FHIT: variants seen among roughly 807,000 people sequenced by gnomAD.
FHIT encodes fragile histidine triad diadenosine triphosphatase, also known as bis(5'-adenosyl)-triphosphatase.
A neutral mutation model predicts 17.9 loss-of-function variants in FHIT; 19 were observed. The observed-to-expected ratio is 1.06, with a 90% confidence interval of 0.74 to 1.56. FHIT has a LOEUF of 1.56. FHIT is among the 40% of genes most tolerant of loss of function. The probability of loss-of-function intolerance (pLI) is 0.00; values close to 1 mark genes in which losing one functional copy is unlikely to be tolerated. For synonymous variants in FHIT, 81 were observed against 69.7 expected (o/e 1.16, Z -0.81); for missense variants, 248 against 189.2 (o/e 1.31, Z -1.82).
At chr3:60,862,604 C>T (rs1377158788) in intron 3 of FHIT, among the ~76,000 whole-genome samples, 8 of 151,978 alleles carry the variant, frequency 5.3e-5, no homozygotes, top group African/African-American at 1.2e-4. Context: ...AATACCAGCA[C>T]TTTGGGAGGC....
At chr3:60,940,415 T>C (rs908167108) in intron 3 of FHIT, among the ~76,000 whole-genome samples, 1 of 152,194 alleles carries the variant, frequency 6.6e-6, no homozygotes, top group Non-Finnish European at 1.5e-5. Context: ...GATATGAGCT[T>C]CTGTACCCCA....
intron 7 of FHIT, among the ~76,000 whole-genome samples, chr3:60,006,780 TA>T (rs1037164063): frequency 6.6e-6 from 1 of 152,146 alleles, no homozygotes; most frequent in Non-Finnish European, 1.5e-5. Context: ...TGTTAACTAC[TA>T]GACTTAATTA....
At chr3:60,239,106 G>T (rs1267699519) in intron 5 of FHIT, among the ~76,000 whole-genome samples, 1 of 152,128 alleles carries the variant, frequency 6.6e-6, no homozygotes, top group African/African-American at 2.4e-5. Context: ...AAATTAACTT[G>T]AGAGATATTT....
intron 4 of FHIT, among the ~76,000 whole-genome samples, chr3:60,792,739 G>A (rs1391069653): frequency 6.6e-6 from 1 of 152,122 alleles, no homozygotes; most frequent in African/African-American, 2.4e-5. Flanking sequence ...GCCAGCTACT[G>A]AGGAATCACA....
intron 5 of FHIT, among the ~76,000 whole-genome samples, chr3:60,071,779 T>C (rs1559604948): frequency 2.0e-5 from 3 of 152,254 alleles, no homozygotes; most frequent in African/African-American, 4.8e-5. Context: ...CCGTATGTTA[T>C]GAGATGGACC....
chr3:60,033,890 A>C (rs80270897), intron 5 of FHIT, among the ~76,000 whole-genome samples: 1 of 152,232 alleles, frequency 6.6e-6, no homozygotes, highest in Non-Finnish European at 1.5e-5. Flanking sequence ...TTATGTTCTC[A>C]AAAGTCAAAA....
chr3:60,658,020 C>A (rs1553690114), intron 4 of FHIT, among the ~76,000 whole-genome samples: 1 of 152,040 alleles, frequency 6.6e-6, no homozygotes, highest in Non-Finnish European at 1.5e-5. Context: ...ATTGTTACAA[C>A]CATCACCACC....
At chr3:60,511,127 T>C (rs1394220461) in intron 5 of FHIT, among the ~76,000 whole-genome samples, 1 of 152,212 alleles carries the variant, frequency 6.6e-6, no homozygotes, top group Non-Finnish European at 1.5e-5. Flanking sequence ...TGCCCATTAC[T>C]TTCAGTGAGA....
At chr3:60,293,931 C>T (rs1708094572) in intron 5 of FHIT, among the ~76,000 whole-genome samples, 1 of 152,054 alleles carries the variant, frequency 6.6e-6, no homozygotes, top group African/African-American at 2.4e-5. Context: ...AGAACTGTGC[C>T]TCAGGAGGTG....
chr3:59,941,843 T>C (rs1257468310), intron 7 of FHIT, among the ~76,000 whole-genome samples: 1 of 152,148 alleles, frequency 6.6e-6, no homozygotes, highest in African/African-American at 2.4e-5. Context: ...TATAGTGTGT[T>C]AAGGTGATAA....
chr3:60,545,396 G>A (rs2036327079), intron 4 of FHIT, among the ~76,000 whole-genome samples: 1 of 151,780 alleles, frequency 6.6e-6, no homozygotes, highest in African/African-American at 2.4e-5. Flanking sequence ...TTCCTTTATT[G>A]TTTCTTTGGA....
In FHIT at chr3:60,356,766, A is replaced by AAAAAC. The variant is rs1553752746; in HGVS notation, c.103+180093_103+180094insGTTTT. Among the ~76,000 whole-genome samples the AAAAAC allele has an allele frequency of 7.0e-5, 10 of 143,492 alleles. 1 individual carries two copies. The highest frequency in any genetic ancestry group is 2.9e-4 in the African/African-American group (10 of 34,592). 94.1% of individuals were successfully genotyped at this position (143,492 alleles called of 152,430 possible). A position where few individuals can be genotyped will look rare whatever the true frequency, so the allele number is the denominator to read the frequency against. ...GGAAGACAGAGACAAAAAAAAAAAA[A>AAAAAC]AAAAAAAAAAAAAACGGAAGAAAGA... On this transcript the variant is annotated intron_variant, in intron 5 of 9. Transcript: ENST00000492590.
At chr3:60,645,432 T>C (rs2039832118) in intron 4 of FHIT, among the ~76,000 whole-genome samples, 1 of 152,156 alleles carries the variant, frequency 6.6e-6, no homozygotes, top group Admixed American at 6.5e-5. Context: ...AAGAAATAAT[T>C]CAGAGCTTTC....
At chr3:61,215,002 A>T (rs1039869143) in intron 1 of FHIT, among the ~76,000 whole-genome samples, 31 of 151,552 alleles carry the variant, frequency 2.0e-4, no homozygotes, top group African/African-American at 7.5e-4. Context: ...TTGATGGGAC[A>T]TATCTCAAAA....
chr3:61,243,348 G>A (rs1178618247), intron 1 of FHIT, among the ~76,000 whole-genome samples: 1 of 152,030 alleles, frequency 6.6e-6, no homozygotes, highest in Non-Finnish European at 1.5e-5. Flanking sequence ...ACTTTTCAGT[G>A]CCCCAGGAGC....
chr3:61,217,938 C>A (rs1291159421), intron 1 of FHIT, among the ~76,000 whole-genome samples: 1 of 152,060 alleles, frequency 6.6e-6, no homozygotes, highest in Admixed American at 6.6e-5. Flanking sequence ...TAGACAAGGA[C>A]CTTAACTAAA....
intron 1 of FHIT, among the ~76,000 whole-genome samples, chr3:61,235,014 T>C (rs555996082): frequency 6.6e-6 from 1 of 152,370 alleles, no homozygotes; most frequent in Non-Finnish European, 1.5e-5. Flanking sequence ...TAAGTCTAAT[T>C]TGTATTGAAA....
intron 3 of FHIT, among the ~76,000 whole-genome samples, chr3:61,025,907 A>G (rs1336161886): frequency 6.6e-6 from 1 of 152,178 alleles, no homozygotes; most frequent in Non-Finnish European, 1.5e-5. Context: ...AGGAAATAAC[A>G]ATGGAAAGAA....
At chr3:60,020,788 T>C (rs1272353745) in intron 5 of FHIT, among the ~76,000 whole-genome samples, 1 of 152,210 alleles carries the variant, frequency 6.6e-6, no homozygotes, top group Non-Finnish European at 1.5e-5. Context: ...AAGAAAATAT[T>C]CAATTTATTT....
Sources: gnomAD v4.1 joint callset for allele counts (sites outside exome capture counted in the v4.1 genomes callset) on GRCh38, gnomAD v4.1.1 for gene constraint, MANE v1.5 for transcripts, NCBI Gene and HGNC (gene_info 2026-07-23, HGNC 2026-07-21) for gene names.